Variants in GRM8 observed in about 807,000 individuals in gnomAD.
The protein encoded by GRM8 is metabotropic glutamate receptor 8.
GRM8 carries 47 observed loss-of-function variants against 87.2 expected under a neutral mutation model. The observed-to-expected ratio is 0.54, with a 90% CI of 0.43 to 0.69. The LOEUF is 0.69. Among genes scored for constraint, GRM8 ranks in the 30% least tolerant of loss-of-function variants. The pLI is 0.00. For synonymous variants in GRM8, 396 were observed against 404.5 expected (o/e 0.98, Z 0.25); for missense variants, 1,019 against 1,139.2 (o/e 0.89, Z 1.52).
At chr7:127,073,784 G>T (rs1362344446) in intron 3 of GRM8, among the ~76,000 whole-genome samples, 1 of 152,160 alleles carries the variant, frequency 6.6e-6, no homozygotes, top group Non-Finnish European at 1.5e-5. Context: ...GGATCCTCTA[G>T]ATTGCAACCA....
chr7:127,063,822 T>C (rs779325452), intron 3 of GRM8, among the ~76,000 whole-genome samples: 8 of 152,218 alleles, frequency 5.3e-5, no homozygotes, highest in Admixed American at 1.3e-4. Context: ...TTCCAGTATG[T>C]TGTTTGTTCT....
At chr7:126,601,916 T>C (rs1303361214) in intron 8 of GRM8, among the ~76,000 whole-genome samples, 3 of 139,556 alleles carry the variant, frequency 2.1e-5, no homozygotes, top group East Asian at 4.4e-4. Flanking sequence ...TCTTTTGCTG[T>C]GCAGAAGCTC....
intron 3 of GRM8, among the ~76,000 whole-genome samples, chr7:127,045,022 C>G (rs1408727733): frequency 1.3e-5 from 2 of 152,170 alleles, no homozygotes; most frequent in African/African-American, 4.8e-5. Context: ...GAAACAGCCA[C>G]TATGTCATGA....
At chr7:126,536,378 G>A (rs1218996482) in intron 8 of GRM8, among the ~76,000 whole-genome samples, 1 of 152,106 alleles carries the variant, frequency 6.6e-6, no homozygotes, top group Admixed American at 6.5e-5. Context: ...GAGGGCTGTC[G>A]AATCTCCTCA....
At position 127,252,924 on chromosome 7, in the gene GRM8, G is replaced by C. The variant is rs1798952118; in HGVS notation, c.-439C>G. 1.1e-5 allele frequency: 2 copies of C among 188,898 alleles called. No individual in the cohort carries two copies. Among genetic ancestry groups the C allele is most frequent in the Non-Finnish European group, 2.1e-5 (2 of 95,066 alleles). The allele number at this position is 188,898 out of a possible 1,614,324, so 11.7% of individuals were successfully genotyped here. Reference sequence around the variant, plus strand: ...CGGCCGCACTTGTGGCTGATCTCTGGGCTGAGGGGGCTGAGCTGGCCTAGC... The same window carrying C: ...CGGCCGCACTTGTGGCTGATCTCTGCGCTGAGGGGGCTGAGCTGGCCTAGC... On this transcript the variant is annotated 5_prime_UTR_variant, in exon 1 of 11. Coordinates refer to ENST00000339582, the MANE Select transcript of GRM8 (RefSeq NM_000845.3). The surrounding 1 kb of genome is among the most constrained non-coding windows in gnomAD (Gnocchi z 4.9).
intron 7 of GRM8, among the ~76,000 whole-genome samples, chr7:126,695,909 G>C: frequency 6.6e-6 from 1 of 152,166 alleles, no homozygotes; most frequent in East Asian, 1.9e-4. Flanking sequence ...CTTAAGTAGA[G>C]AGAGTGTTTC....
intron 2 of GRM8, among the ~76,000 whole-genome samples, chr7:127,220,761 T>C (rs1395641703): frequency 2.0e-5 from 3 of 152,154 alleles, no homozygotes; most frequent in Non-Finnish European, 4.4e-5. Context: ...GTAGCTGGGA[T>C]TACAGGTGTC....
chr7:126,914,947 A>G (rs1803733865), intron 3 of GRM8, among the ~76,000 whole-genome samples: 1 of 152,190 alleles, frequency 6.6e-6, no homozygotes, highest in South Asian at 2.1e-4. Context: ...AAAAAAGAAA[A>G]TCATAATTAA....
intron 9 of GRM8, among the ~76,000 whole-genome samples, chr7:126,528,498 TATTCACTGCCTATTATGTGCATG>T: frequency 6.6e-6 from 1 of 152,270 alleles, no homozygotes; most frequent in Admixed American, 6.5e-5. Context: ...AGCCAACATT[TATTCACTGCCTATTATGTGCATG>T]AAACACTTTT....
At chr7:127,111,705 C>T (rs1446324924) in intron 2 of GRM8, among the ~76,000 whole-genome samples, 3 of 152,176 alleles carry the variant, frequency 2.0e-5, no homozygotes, top group African/African-American at 7.2e-5. Context: ...CTATGCCACA[C>T]CAGCAAGAAA....
intron 2 of GRM8, among the ~76,000 whole-genome samples, chr7:127,132,683 G>C (rs930031640): frequency 6.6e-6 from 1 of 152,068 alleles, no homozygotes; most frequent in African/African-American, 2.4e-5. Flanking sequence ...GGACAGGAGG[G>C]AGCCTTGCCT....
At chr7:127,242,470 G>GAA (rs80232658) in intron 2 of GRM8, among the ~76,000 whole-genome samples, 12 of 141,286 alleles carry the variant, frequency 8.5e-5, no homozygotes, top group African/African-American at 3.1e-4. Context: ...CTTTGTTCAG[G>GAA]AAAAAAAAAA....
At chr7:127,046,479 G>A (rs1362251041) in intron 3 of GRM8, among the ~76,000 whole-genome samples, 2 of 152,156 alleles carry the variant, frequency 1.3e-5, no homozygotes, top group Non-Finnish European at 2.9e-5. Context: ...ATGTCACTGT[G>A]GGCAAGCTCT....
At chr7:126,923,540 C>T (rs1358203979) in intron 3 of GRM8, among the ~76,000 whole-genome samples, 1 of 152,178 alleles carries the variant, frequency 6.6e-6, no homozygotes, top group Non-Finnish European at 1.5e-5. Flanking sequence ...AGTCCTCTCA[C>T]ATACAGACAT....
intron 6 of GRM8, among the ~76,000 whole-genome samples, chr7:126,892,314 G>A (rs1317611254): frequency 6.6e-6 from 1 of 151,974 alleles, no homozygotes; most frequent in Non-Finnish European, 1.5e-5. Context: ...GGTCCCCAGA[G>A]TGTGATGTTC....
At chr7:127,218,696 C>G (rs534875073) in intron 2 of GRM8, among the ~76,000 whole-genome samples, 1 of 152,252 alleles carries the variant, frequency 6.6e-6, no homozygotes, top group Admixed American at 6.5e-5. Context: ...CATGAGTAGA[C>G]GGAACTGAAG....
intron 8 of GRM8, among the ~76,000 whole-genome samples, chr7:126,559,546 G>A (rs762730748): frequency 1.4e-4 from 21 of 152,136 alleles, no homozygotes; most frequent in Non-Finnish European, 2.4e-4. Flanking sequence ...TTCAAACCTC[G>A]TCTCAATTAC....
At chr7:127,130,020 C>G (rs1827593437) in intron 2 of GRM8, among the ~76,000 whole-genome samples, 1 of 151,932 alleles carries the variant, frequency 6.6e-6, no homozygotes, top group East Asian at 1.9e-4. Context: ...ACATGCTGTT[C>G]TCATGATAGA....
chr7:126,912,747 A>G (rs1803448998), intron 3 of GRM8, among the ~76,000 whole-genome samples: 1 of 152,220 alleles, frequency 6.6e-6, no homozygotes, highest in South Asian at 2.1e-4. Flanking sequence ...CCATATGTAC[A>G]TTAGTGTTAA....
Sources: allele counts gnomAD v4.1 joint callset (sites outside exome capture counted in the v4.1 genomes callset), GRCh38; gene constraint gnomAD v4.1.1; non-coding constraint Gnocchi (gnomAD v3.1); transcripts MANE v1.5; gene names NCBI Gene and HGNC (gene_info 2026-07-23, HGNC 2026-07-21).